The following CRMP1 variants were observed in gnomAD, a reference collection of about 807,000 sequenced individuals.
CRMP1 encodes the protein dihydropyrimidinase-related protein 1.
A neutral mutation model predicts 68.3 loss-of-function variants in CRMP1; 19 were observed. That is an observed-to-expected ratio of 0.28 (90% CI 0.19 to 0.41). CRMP1 has a LOEUF of 0.41. Ranked by LOEUF, CRMP1 falls within the 10% of genes least tolerant of loss-of-function variation. CRMP1 has a pLI of 1.00. For synonymous variants in CRMP1, 439 were observed against 399.6 expected, an observed-to-expected ratio of 1.10 and a Z score of -1.18; for missense variants, 791 against 967.4, an observed-to-expected ratio of 0.82 and a Z score of 2.42.
At chr4:5,840,132 G>C (rs934121659) in intron 8 of CRMP1, among the ~76,000 whole-genome samples, 1 of 152,182 alleles carries the variant, frequency 6.6e-6, no homozygotes, top group African/African-American at 2.4e-5. Flanking sequence ...GGCAGGGAAA[G>C]CAGCCAATAA....
In CRMP1 at chr4:5,841,247, C is replaced by G; in HGVS notation, c.1153+61G>C. 1 of 1,613,044 alleles carries G rather than the reference C, an allele frequency of 6.2e-7. No individual in the cohort carries two copies. Among genetic ancestry groups the G allele is most frequent in the Non-Finnish European group, 8.5e-7 (1 of 1,179,692 alleles). On this transcript the variant is annotated intron_variant, in intron 8 of 13. Transcript: ENST00000324989. This position sits in a 1 kb window ranked among gnomAD's most constrained non-coding sequence, Gnocchi z 6.9. ...AGTTCGGGAGGGAGTGAACTTGAAC[C>G]TGCAGGACACCCCCTTCCAGGCCCC...
At position 5,870,801 on chromosome 4, in the gene CRMP1, G is replaced by C. The variant is rs1295046101; in HGVS notation, c.382-4045C>G. 6.6e-6 allele frequency among the ~76,000 whole-genome samples: 1 copy of C among 152,126 alleles called. No individual in the cohort carries two copies. The highest frequency in any genetic ancestry group is 1.5e-5 in the Non-Finnish European group (1 of 68,028). On this transcript the variant is annotated intron_variant, in intron 1 of 13. Transcript: ENST00000324989. This position sits in a 1 kb window ranked among gnomAD's most constrained non-coding sequence, Gnocchi z 6.0. ...GAGGAAACTCACCAAGCCTCTTGAC[G>C]GCAATCCGGGACCAATGGGAAAAAG...
At chr4:5,887,381 C>A in intron 1 of CRMP1, 10 of 985,710 alleles carry the variant, frequency 1.0e-5, no homozygotes, top group Non-Finnish European at 9.6e-6. Context: ...CGGGCTGCTC[C>A]TGCATACATG....
intron 13 of CRMP1, chr4:5,824,388 C>G: frequency 1.0e-6 from 1 of 985,358 alleles, no homozygotes; most frequent in Non-Finnish European, 1.2e-6. Flanking sequence ...GGGGAGGCCT[C>G]CTTGATTCAT....
intron 13 of CRMP1, among the ~76,000 whole-genome samples, chr4:5,823,891 T>A (rs745492586): frequency 1.4e-4 from 21 of 152,180 alleles, no homozygotes; most frequent in Non-Finnish European, 2.4e-4. Context: ...TAACGTAACA[T>A]ACGCAGATAT....
chr4:5,839,419 C>G, intron 9 of CRMP1, 103 bp downstream of exon 9: 2 of 1,422,908 alleles, frequency 1.4e-6, no homozygotes, highest in Non-Finnish European at 1.9e-6. Context: ...AGAGCCTCCT[C>G]TACAATCATG....
chr4:5,886,324 G>A (rs771430875), intron 1 of CRMP1, among the ~76,000 whole-genome samples: 11 of 152,204 alleles, frequency 7.2e-5, no homozygotes, highest in Admixed American at 1.3e-4. Flanking sequence ...AAGACCTGTC[G>A]GCAGATCTGA....
chr4:5,892,694 C>G lies in CRMP1; in HGVS notation c.276G>C (p.Ser92=), dbSNP rs1481266225. Reference sequence around the variant, plus strand: ...CTCCGGGAGAGCTGACCGCGGAGCCCGAGGGCTCGCTCACGTCGCTGGCCG... The same window carrying G: ...CTCCGGGAGAGCTGACCGCGGAGCCGGAGGGCTCGCTCACGTCGCTGGCCG... ...EDTASDVSEP[S]GSAVSSPGER... Residue 92 remains serine, a synonymous_variant, in exon 1 of 14, where the codon TCG becomes TCC. Transcript: ENST00000324989. This position sits in a 1 kb window ranked among gnomAD's most constrained non-coding sequence, Gnocchi z 8.6. 8.2e-7 allele frequency: 1 copy of G among 1,222,742 alleles called. No homozygotes were observed. The highest frequency in any genetic ancestry group is 1.0e-6 in the Non-Finnish European group (1 of 981,596). 75.7% of individuals were successfully genotyped at this position (1,222,742 alleles called of 1,614,324 possible).
In CRMP1 at chr4:5,850,547, A is replaced by C. The variant is rs1358576657; in HGVS notation, c.882+861T>G. Among the ~76,000 whole-genome samples, 1 of 152,160 alleles carries C rather than the reference A, an allele frequency of 6.6e-6. No homozygotes were observed. Among genetic ancestry groups the C allele is most frequent in the African/African-American group, 2.4e-5 (1 of 41,446 alleles). On this transcript the variant is annotated intron_variant, in intron 5 of 13. Transcript: ENST00000324989. This position sits in a 1 kb window ranked among gnomAD's most constrained non-coding sequence, Gnocchi z 4.4. The stretch of plus-strand genomic sequence containing the variant: ...CCATCTATCTTCATGGTAATAACCA[A>C]TTACCCTGCTAACTGATGCCTGTAT...
At position 5,831,582 on chromosome 4, in the gene CRMP1, G is replaced by A. The variant is rs960491489; in HGVS notation, c.1624-2914C>T. 1.1e-4 allele frequency among the ~76,000 whole-genome samples: 16 copies of A among 152,234 alleles called. 1 individual carries two copies. The highest frequency in any genetic ancestry group is 8.5e-4 in the Admixed American group (13 of 15,298). On this transcript the variant is annotated intron_variant, in intron 11 of 13. Transcript: ENST00000324989. ...ACATGGATTGTGAATGCGGAGGGGC[G>A]GTGCAAGGAACCAGTCACCCATCTC... is the stretch of plus-strand genomic sequence containing the variant.
chr4:5,848,416 C>T (rs1443459002), intron 6 of CRMP1, among the ~76,000 whole-genome samples: 2 of 152,196 alleles, frequency 1.3e-5, no homozygotes, highest in African/African-American at 2.4e-5. Context: ...TGGTCTCACA[C>T]TCTTGGCCTC....
rs1392181558 is a variant in CRMP1 at position 5,890,669 on chromosome 4, G to A, written c.381+1920C>T. ...TGAGAAGCCATGGAGAAAGGCAGAG[G>A]GGACCACAGGGAGAAGAGGAAGGAG... is the stretch of plus-strand genomic sequence containing the variant. On this transcript the variant is annotated intron_variant, in intron 1 of 13. Coordinates refer to ENST00000324989, the MANE Select transcript of CRMP1 (RefSeq NM_001014809.3). This position sits in a 1 kb window ranked among gnomAD's most constrained non-coding sequence, Gnocchi z 5.5. Among the ~76,000 whole-genome samples, 2 of 152,226 alleles carry A rather than the reference G, an allele frequency of 1.3e-5. No homozygotes were observed. The highest frequency in any genetic ancestry group is 2.9e-5 in the Non-Finnish European group (2 of 68,040).
intron 1 of CRMP1, among the ~76,000 whole-genome samples, chr4:5,878,434 GTGGTTA>G (rs879422404): frequency 4.6e-5 from 7 of 152,168 alleles, no homozygotes; most frequent in Admixed American, 2.6e-4. Context: ...GTGGTCAAAA[GTGGTTA>G]AGGCAGATTA....
Position 5,865,985 on chromosome 4 carries a change from C to T in CRMP1, c.470+683G>A, listed in dbSNP as rs114374196. On this transcript the variant is annotated intron_variant, in intron 2 of 13. Transcript: ENST00000324989. This position sits in a 1 kb window ranked among gnomAD's most constrained non-coding sequence, Gnocchi z 4.1. ...AGGCCTCAGGAAGAACCAACCCTGA[C>T]GGCAGCTTGATCCGGGACTTCCAGC... is the stretch of plus-strand genomic sequence containing the variant. Among the ~76,000 whole-genome samples the T allele has an allele frequency of 0.02, 3,004 of 152,220 alleles. 57 individuals carry two copies. Among genetic ancestry groups the T allele is most frequent in the South Asian group, 0.046 (222 of 4,818 alleles).
rs34611001 is a variant in CRMP1 at position 5,828,569 on chromosome 4, C to T, written c.1723G>A (p.Val575Ile). Reference protein sequence around the residue: ...KIVFEDGNINVNKGMGRFIPR... With the variant: ...KIVFEDGNININKGMGRFIPR... ...ATGAAGCGGCCCATGCCCTTGTTGACGTTGATGTTTCCGTCTTCAAAGACG... is the reference window on the plus strand; with the variant it reads ...ATGAAGCGGCCCATGCCCTTGTTGATGTTGATGTTTCCGTCTTCAAAGACG... The change falls in exon 12 of 14, where the codon GTC becomes ATC. Residue 575 changes from valine to isoleucine, a missense_variant. Transcript: ENST00000324989. 31,476 of 1,614,158 alleles carry T rather than the reference C, an allele frequency of 0.019. 352 individuals carry two copies. The highest frequency in any genetic ancestry group is 0.022 in the Admixed American group (1,298 of 60,016).
intron 11 of CRMP1, among the ~76,000 whole-genome samples, chr4:5,829,469 C>A (rs1404971948): frequency 6.6e-6 from 1 of 152,160 alleles, no homozygotes; most frequent in Admixed American, 6.5e-5. Flanking sequence ...TCAACTGTCA[C>A]CAGCCAACTG....
Position 5,870,872 on chromosome 4 carries a change from C to T in CRMP1, c.382-4116G>A, listed in dbSNP as rs1484271787. Among the ~76,000 whole-genome samples the T allele has an allele frequency of 2.0e-5, 3 of 152,142 alleles. No homozygotes were observed. Among genetic ancestry groups the T allele is most frequent in the Admixed American group, 6.5e-5 (1 of 15,276 alleles). ...CAGGAAGCACCCACAAGCTGGCGTGCATGTTTCCCCGGCTCCAGAACAGGA... is the reference window on the plus strand; with the variant it reads ...CAGGAAGCACCCACAAGCTGGCGTGTATGTTTCCCCGGCTCCAGAACAGGA... On this transcript the variant is annotated intron_variant, in intron 1 of 13. Transcript: ENST00000324989. The surrounding 1 kb of genome is among the most constrained non-coding windows in gnomAD (Gnocchi z 6.0).
rs1712806236 is a variant in CRMP1 at position 5,853,358 on chromosome 4, C to T, written c.821-1889G>A. 6.6e-6 allele frequency among the ~76,000 whole-genome samples: 1 copy of T among 152,142 alleles called. No individual in the cohort carries two copies. The highest frequency in any genetic ancestry group is 6.6e-5 in the Admixed American group (1 of 15,266). On this transcript the variant is annotated intron_variant, in intron 4 of 13. Transcript: ENST00000324989. This position sits in a 1 kb window ranked among gnomAD's most constrained non-coding sequence, Gnocchi z 4.7. ...AACCTGGGAGGCAGTGAGCTGAGAT[C>T]TCGCCATTGCACTCCAGCCTGGGTG...
rs1005686672 is a variant in CRMP1 at position 5,870,520 on chromosome 4, G to A, written c.382-3764C>T. Among the ~76,000 whole-genome samples the A allele has an allele frequency of 3.9e-5, 6 of 152,218 alleles. No individual in the cohort carries two copies. The highest frequency in any genetic ancestry group is 5.9e-5 in the Non-Finnish European group (4 of 68,034). ...TCCACGGAGGCAACGGACTTTGTCCGTTTTCTTCACTGCTGTCTCTCCGGC... is the reference window on the plus strand; with the variant it reads ...TCCACGGAGGCAACGGACTTTGTCCATTTTCTTCACTGCTGTCTCTCCGGC... On this transcript the variant is annotated intron_variant, in intron 1 of 13. Coordinates refer to ENST00000324989, the MANE Select transcript of CRMP1 (RefSeq NM_001014809.3). The surrounding 1 kb of genome is among the most constrained non-coding windows in gnomAD (Gnocchi z 6.0).
Sources: gnomAD v4.1 joint callset for allele counts (sites outside exome capture counted in the v4.1 genomes callset) on GRCh38, gnomAD v4.1.1 for gene constraint, Gnocchi (gnomAD v3.1) non-coding constraint, MANE v1.5 for transcripts, NCBI Gene and HGNC (gene_info 2026-07-23, HGNC 2026-07-21) for gene names.